The following PSD3 variants were observed in gnomAD, a reference collection of about 807,000 sequenced individuals.
PSD3 encodes the protein PH and SEC7 domain-containing protein 3.
A neutral mutation model predicts 105.5 loss-of-function variants in PSD3; 49 were observed. The ratio of observed to expected loss-of-function variants is 0.46; its 90% CI spans 0.37 to 0.59. The LOEUF (loss-of-function observed/expected upper bound fraction) is 0.59. Ranked by LOEUF, PSD3 falls within the 20% of genes least tolerant of loss-of-function variation. The pLI, the probability that PSD3 is intolerant of heterozygous loss-of-function variation, is 0.00. For synonymous variants in PSD3, 557 were observed against 457.8 expected (o/e 1.22, Z -2.77); for missense variants, 1,561 against 1,263.8 (o/e 1.24, Z -3.57).
At chr8:18,987,633 C>A (rs1227154921) in intron 1 of PSD3, among the ~76,000 whole-genome samples, 2 of 152,008 alleles carry the variant, frequency 1.3e-5, no homozygotes, top group Non-Finnish European at 2.9e-5. Flanking sequence ...CCCTGGGCAA[C>A]ACAGTGAAAC....
chr8:19,083,715 G>C (rs1034953553), intron 1 of PSD3, among the ~76,000 whole-genome samples: 1 of 152,192 alleles, frequency 6.6e-6, no homozygotes, highest in South Asian at 2.1e-4. Context: ...TGGAGAACAA[G>C]CTTTGCTTTT....
intron 1 of PSD3, among the ~76,000 whole-genome samples, chr8:19,006,479 T>C (rs60016927): frequency 0.12 from 18,606 of 151,880 alleles, 1,557 homozygotes; most frequent in African/African-American, 0.22. Flanking sequence ...CACCACAAAT[T>C]ACAAAACTCA....
intron 11 of PSD3, among the ~76,000 whole-genome samples, chr8:18,617,113 T>C (rs552700150): frequency 6.6e-6 from 1 of 152,348 alleles, no homozygotes; most frequent in East Asian, 1.9e-4. Flanking sequence ...GATTTTTCAG[T>C]GAACCTTCAG....
At chr8:18,822,542 C>T (rs1812829579) in intron 4 of PSD3, among the ~76,000 whole-genome samples, 1 of 152,186 alleles carries the variant, frequency 6.6e-6, no homozygotes, top group African/African-American at 2.4e-5. Flanking sequence ...AGTCTGTGAC[C>T]TGGCTGTGAT....
chr8:18,753,488 T>A (rs1380320610), intron 9 of PSD3, among the ~76,000 whole-genome samples: 4 of 152,190 alleles, frequency 2.6e-5, no homozygotes, highest in South Asian at 2.1e-4. Context: ...ATAATGTGGC[T>A]TCTGGCGTTT....
intron 9 of PSD3, among the ~76,000 whole-genome samples, chr8:18,720,423 A>G (rs1236692294): frequency 6.6e-6 from 1 of 152,184 alleles, no homozygotes; most frequent in Admixed American, 6.5e-5. Context: ...TTATTAAGTC[A>G]AGGATGAGCA....
intron 4 of PSD3, among the ~76,000 whole-genome samples, chr8:18,824,296 C>T (rs1338245994): frequency 6.6e-6 from 1 of 152,208 alleles, no homozygotes; most frequent in Non-Finnish European, 1.5e-5. Context: ...AGAGTACCTT[C>T]CACAGTAAAC....
At chr8:18,805,917 C>A (rs1351860032) in intron 4 of PSD3, among the ~76,000 whole-genome samples, 3 of 152,094 alleles carry the variant, frequency 2.0e-5, no homozygotes, top group Non-Finnish European at 4.4e-5. Context: ...AAAATGTTTG[C>A]CAATAACCAT....
At chr8:19,031,748 T>G (rs1827780400) in intron 1 of PSD3, among the ~76,000 whole-genome samples, 1 of 152,162 alleles carries the variant, frequency 6.6e-6, no homozygotes, top group African/African-American at 2.4e-5. Flanking sequence ...AATTTGTTTA[T>G]GTATGTTAAC....
At chr8:18,632,871 G>T in intron 10 of PSD3, 65 bp from the exon 11 acceptor site, 2 of 1,300,964 alleles carry the variant, frequency 1.5e-6, no homozygotes, top group Non-Finnish European at 2.1e-6. Flanking sequence ...AAAAAGGTAA[G>T]TTATTGTAAA....
chr8:18,822,345 G>A (rs926301535), intron 4 of PSD3, among the ~76,000 whole-genome samples: 1 of 152,080 alleles, frequency 6.6e-6, no homozygotes, highest in African/African-American at 2.4e-5. Context: ...CATCATTCAG[G>A]CATCACTTGA....
chr8:18,680,133 A>C (rs1364099385), intron 9 of PSD3, among the ~76,000 whole-genome samples: 1 of 152,198 alleles, frequency 6.6e-6, no homozygotes, highest in East Asian at 1.9e-4. Context: ...ATAAGTTAAA[A>C]ATTAGTACTA....
chr8:18,864,956 A>G (rs985002979), intron 4 of PSD3: 7 of 151,910 alleles, frequency 4.6e-5, no homozygotes, highest in Non-Finnish European at 7.4e-5. Context: ...GAATGCATAC[A>G]CCACCACCGA....
rs1334860995 is a variant in PSD3, at chr8:18,867,948, A to G, written c.1360T>C (p.Leu454=). The G allele has an allele frequency of 3.1e-6, 5 of 1,614,090 alleles. No homozygotes were observed. Among genetic ancestry groups the G allele is most frequent in the Admixed American group, 1.7e-5 (1 of 60,012 alleles). ...QFETILDNTS[L]YYSAESLETL... ...TCCAGGGACTCTGCACTGTAGTATA[A>G]AGAAGTGTTGTCCAAAATGGTTTCA... The change falls in exon 4 of 16, where the codon TTA becomes CTA. Residue 454 remains leucine (L), a synonymous_variant. Transcript: ENST00000327040.
intron 4 of PSD3, among the ~76,000 whole-genome samples, chr8:18,857,169 C>T (rs774830574): frequency 3.3e-5 from 5 of 152,176 alleles, no homozygotes; most frequent in Non-Finnish European, 7.4e-5. Context: ...CCTCCAAAAG[C>T]GGAGTTACCT....
intron 2 of PSD3, among the ~76,000 whole-genome samples, chr8:18,922,904 C>T (rs773149126): frequency 6.6e-6 from 1 of 152,118 alleles, no homozygotes; most frequent in Non-Finnish European, 1.5e-5. Context: ...CTGGACACAC[C>T]GCCGTCCTGG....
chr8:18,842,298 C>T (rs892248424), intron 4 of PSD3, among the ~76,000 whole-genome samples: 1 of 152,314 alleles, frequency 6.6e-6, no homozygotes, highest in Non-Finnish European at 1.5e-5. Flanking sequence ...GTCTACATGG[C>T]ATTTTATAAC....
chr8:19,034,080 G>GA (rs1827865841), intron 1 of PSD3, among the ~76,000 whole-genome samples: 1 of 152,112 alleles, frequency 6.6e-6, no homozygotes, highest in Non-Finnish European at 1.5e-5. Context: ...AGCTAGTTGA[G>GA]AAAAAAATCT....
chr8:18,685,657 A>G lies in PSD3; in HGVS notation c.2173-29972T>C, dbSNP rs140242781. Among the ~76,000 whole-genome samples, 366 of 152,336 alleles carry G rather than the reference A, an allele frequency of 2.4e-3. 3 individuals are homozygous for G. The highest frequency in any genetic ancestry group is 3.7e-3 in the Non-Finnish European group (255 of 68,032). On this transcript the variant is annotated intron_variant, in intron 9 of 15. Coordinates refer to ENST00000327040, the MANE Select transcript of PSD3 (RefSeq NM_015310.4). ...TTCTCAGAATTAAGAAAAATTCTGT[A>G]AAGTTACTATTTTACAAAGCATATT...
Sources: gnomAD v4.1 joint callset for allele counts (sites outside exome capture counted in the v4.1 genomes callset) on GRCh38, gnomAD v4.1.1 for gene constraint, MANE v1.5 for transcripts, NCBI Gene and HGNC (gene_info 2026-07-23, HGNC 2026-07-21) for gene names.